The following COL13A1 variants were observed in gnomAD, a reference collection of about 807,000 sequenced individuals.
COL13A1 encodes collagen alpha-1(XIII) chain.
In COL13A1, 89 loss-of-function variants were observed where a neutral mutation model predicts 130.9. The ratio of observed to expected loss-of-function variants is 0.68; its 90% confidence interval spans 0.57 to 0.81. The LOEUF is 0.81. Among genes scored for constraint, COL13A1 ranks in the 30% least tolerant of loss-of-function variants. The probability of loss-of-function intolerance (pLI) is 0.00; values close to 1 mark genes in which losing one functional copy is unlikely to be tolerated. For missense variants in COL13A1, 879 were observed against 934.6 expected (o/e 0.94, Z 0.78); for synonymous variants, 402 against 341.6 (o/e 1.18, Z -1.95).
chr10:69,812,036 C>T (rs2683553), intron 1 of COL13A1, among the ~76,000 whole-genome samples: 107,139 of 151,970 alleles, frequency 0.71, 37,858 homozygotes, highest in Non-Finnish European at 0.74. Context: ...CCCATGCTGT[C>T]CTGACTCTCT....
rs556682207 is a variant in COL13A1, at chr10:69,881,083, C to A, written c.513+530C>A. On this transcript the variant is annotated intron_variant, in intron 7 of 40. Transcript: ENST00000645393. ...GTGGCTGGGAGCTTGAGAAAACCAG[C>A]GAGGCTCCCCTCACATGTGCTTCCT... is the stretch of plus-strand genomic sequence containing the variant. 3.3e-5 allele frequency among the ~76,000 whole-genome samples: 5 copies of A among 152,312 alleles called. No individual in the cohort carries two copies. In the South Asian group the frequency reaches 1.0e-3, roughly 32 times the overall value.
intron 2 of COL13A1, among the ~76,000 whole-genome samples, chr10:69,846,099 C>T (rs922382419): frequency 3.3e-5 from 5 of 152,220 alleles, no homozygotes; most frequent in African/African-American, 9.6e-5. Flanking sequence ...CAGCCCATGC[C>T]GGAAATAAAC....
intron 2 of COL13A1, among the ~76,000 whole-genome samples, chr10:69,831,967 G>A (rs1398971329): frequency 6.6e-6 from 1 of 152,178 alleles, no homozygotes; most frequent in African/African-American, 2.4e-5. Context: ...CACTTGGCGG[G>A]AAATGATTGT....
At chr10:69,893,343 C>A (rs1280230739) in intron 10 of COL13A1, among the ~76,000 whole-genome samples, 2 of 152,262 alleles carry the variant, frequency 1.3e-5, no homozygotes, top group African/African-American at 2.4e-5. Flanking sequence ...CAGAGCGAGA[C>A]CCTGTCTCAA....
intron 17 of COL13A1, among the ~76,000 whole-genome samples, chr10:69,906,617 C>T (rs923651434): frequency 8.5e-5 from 13 of 152,142 alleles, no homozygotes; most frequent in Non-Finnish European, 1.0e-4. Flanking sequence ...TTGGTTGAAG[C>T]AAGTCACATG....
At chr10:69,937,117 C>T (rs552469196) in intron 33 of COL13A1, among the ~76,000 whole-genome samples, 38 of 152,342 alleles carry the variant, frequency 2.5e-4, no homozygotes, top group Middle Eastern at 6.8e-3. Context: ...GGGTGGGACC[C>T]CTCCCTGGGT....
At chr10:69,921,677 G>T (rs538864388) in intron 21 of COL13A1, among the ~76,000 whole-genome samples, 1 of 152,314 alleles carries the variant, frequency 6.6e-6, no homozygotes, top group Admixed American at 6.5e-5. Flanking sequence ...AGTCATGCAG[G>T]TGTCACCAAC....
At position 69,926,993 on chromosome 10, in the gene COL13A1, G is replaced by A. The variant is rs372665112; in HGVS notation, c.1399-94G>A. ...CCCTCCACCCACGCTCCTTTGAGGG[G>A]CCTAGCTCCCATGTTTCCATGACTG... On this transcript the variant is annotated intron_variant, in intron 26 of 40. Transcript: ENST00000645393. 31 of 1,576,162 alleles carry A rather than the reference G, an allele frequency of 2.0e-5. No individual in the cohort carries two copies. The African/African-American group carries it at 4.0e-4, about 21-fold the overall frequency.
At position 69,874,532 on chromosome 10, in the gene COL13A1, C is replaced by T. The variant is rs541277559; in HGVS notation, c.400-596C>T. ...AGCATTTCCCTTGGAGCATCTGCAACTCGTGATTCGGCTGAATCCACATGG... is the reference window on the plus strand; with the variant it reads ...AGCATTTCCCTTGGAGCATCTGCAATTCGTGATTCGGCTGAATCCACATGG... On this transcript the variant is annotated intron_variant, in intron 4 of 40. Transcript: ENST00000645393. Among the ~76,000 whole-genome samples the T allele has an allele frequency of 4.7e-4, 72 of 152,362 alleles. 3 individuals carry two copies. In the South Asian group the frequency reaches 0.014, roughly 30 times the overall value.
intron 10 of COL13A1, among the ~76,000 whole-genome samples, chr10:69,892,234 A>G (rs1041184498): frequency 4.6e-5 from 7 of 152,120 alleles, no homozygotes; most frequent in Non-Finnish European, 8.8e-5. Context: ...GTCCAGCATC[A>G]TTACCTTGCC....
At chr10:69,938,960 A>T (rs2067281097) in intron 34 of COL13A1, among the ~76,000 whole-genome samples, 1 of 152,076 alleles carries the variant, frequency 6.6e-6, no homozygotes, top group South Asian at 2.1e-4. Context: ...CTTGATGAAC[A>T]CTCGAGAATT....
At chr10:69,815,281 T>A (rs1352224183) in intron 1 of COL13A1, among the ~76,000 whole-genome samples, 7 of 152,082 alleles carry the variant, frequency 4.6e-5, no homozygotes, top group Admixed American at 1.3e-4. Flanking sequence ...GAGGGAGTGT[T>A]CCCTAAACCC....
At chr10:69,894,820 C>A in intron 12 of COL13A1, 119 bp downstream of exon 12, 5 of 1,354,014 alleles carry the variant, frequency 3.7e-6, no homozygotes, top group South Asian at 1.2e-5. Context: ...ACCAGGAAAG[C>A]CCCCGAGGTG....
intron 2 of COL13A1, among the ~76,000 whole-genome samples, chr10:69,847,998 CT>C (rs1475791073): frequency 6.6e-6 from 1 of 152,244 alleles, no homozygotes; most frequent in African/African-American, 2.4e-5. Context: ...TTCTTGCCCC[CT>C]GGCCCACCTC....
At chr10:69,854,811 G>A (rs1855944716) in intron 2 of COL13A1, among the ~76,000 whole-genome samples, 1 of 152,282 alleles carries the variant, frequency 6.6e-6, no homozygotes, top group East Asian at 1.9e-4. Context: ...TATATGTCCT[G>A]TGGTATTTGC....
At chr10:69,905,487 A>T (rs1265490430) in intron 16 of COL13A1, among the ~76,000 whole-genome samples, 1 of 152,148 alleles carries the variant, frequency 6.6e-6, no homozygotes, top group African/African-American at 2.4e-5. Flanking sequence ...TGGGAAAGTG[A>T]CTTGTCCATG....
In COL13A1 at chr10:69,919,107, T is replaced by A. The variant is rs147800380; in HGVS notation, c.1026+19T>A. 1.2e-6 allele frequency: 2 copies of A among 1,613,956 alleles called. No individual in the cohort carries two copies. Among genetic ancestry groups the A allele is most frequent in the Middle Eastern group, 1.7e-4 (1 of 6,058 alleles). On this transcript the variant is annotated intron_variant, in intron 20 of 40. Coordinates refer to ENST00000645393, the MANE Select transcript of COL13A1 (RefSeq NM_001368882.1). ...AACCAAGGTACTGATGCAGAGAGAA[T>A]GTTCCGGGCTGCACAGAGCATCGGT...
chr10:69,940,870 G>A, intron 34 of COL13A1, 118 bp from the exon 35 acceptor site: 1 of 1,361,312 alleles, frequency 7.3e-7, no homozygotes, highest in Admixed American at 1.8e-5. Context: ...TTGATTACCA[G>A]CATTTATGTC....
intron 4 of COL13A1, among the ~76,000 whole-genome samples, chr10:69,872,747 G>A (rs1238042765): frequency 6.6e-6 from 1 of 152,170 alleles, no homozygotes; most frequent in Non-Finnish European, 1.5e-5. Flanking sequence ...GAAGAGCCAG[G>A]TACTGCATTT....
Sources: gnomAD v4.1 joint callset for allele counts (sites outside exome capture counted in the v4.1 genomes callset) on GRCh38, gnomAD v4.1.1 for gene constraint, MANE v1.5 for transcripts, NCBI Gene and HGNC (gene_info 2026-07-23, HGNC 2026-07-21) for gene names.